Variants in SLC24A2 observed in about 807,000 individuals in gnomAD.
SLC24A2 encodes the protein sodium/potassium/calcium exchanger 2.
In SLC24A2, 36 loss-of-function variants were observed where a neutral mutation model predicts 62.0. The ratio of observed to expected loss-of-function variants is 0.58; its 90% confidence interval spans 0.44 to 0.77. The LOEUF (loss-of-function observed/expected upper bound fraction) is 0.77, where lower values mean the gene tolerates loss of function less well. SLC24A2 is among the 30% of genes least tolerant of loss of function. SLC24A2 has a pLI of 0.00. For missense variants in SLC24A2, 846 were observed against 817.9 expected (o/e 1.03, Z -0.42); for synonymous variants, 358 against 294.0 (o/e 1.22, Z -2.23).
Position 19,535,674 on chromosome 9 carries a change from G to A in SLC24A2, c.1480-7536C>T, listed in dbSNP as rs1046572998. On this transcript the variant is annotated intron_variant, in intron 8 of 10. Coordinates refer to ENST00000341998, the MANE Select transcript of SLC24A2 (RefSeq NM_020344.4). ...GATTAGATGATTGTAGATGTGTGGT[G>A]TTATTTCTGAGGCCTCTGTTCTGTT... Among the ~76,000 whole-genome samples, 7 of 152,260 alleles carry A rather than the reference G, an allele frequency of 4.6e-5. 1 individual carries two copies. Among genetic ancestry groups the A allele is most frequent in the Admixed American group, 4.6e-4 (7 of 15,300 alleles).
At chr9:19,968,174 T>C in the SLC24A2 span, among the ~76,000 whole-genome samples, 1 of 152,172 alleles carries the variant, frequency 6.6e-6, no homozygotes, top group Admixed American at 6.5e-5. Flanking sequence ...GTTTTCATCA[T>C]CATAATCTTC....
intron 2 of SLC24A2, among the ~76,000 whole-genome samples, chr9:19,639,051 T>A (rs1418035497): frequency 6.6e-6 from 1 of 152,204 alleles, no homozygotes; most frequent in Non-Finnish European, 1.5e-5. Context: ...GGGAACATAA[T>A]CTGCTTCAAT....
chr9:19,534,206 G>GA (rs1346940614), intron 8 of SLC24A2, among the ~76,000 whole-genome samples: 1 of 152,212 alleles, frequency 6.6e-6, no homozygotes, highest in Admixed American at 6.5e-5. Context: ...CAATGAAAAT[G>GA]ATCTGGAGTC....
chr9:20,279,777 G>C, the SLC24A2 span, among the ~76,000 whole-genome samples: 1 of 152,268 alleles, frequency 6.6e-6, no homozygotes. Flanking sequence ...TTACTGAACT[G>C]ATCATTTCAC....
chr9:19,749,580 C>T (rs890114656), intron 2 of SLC24A2, among the ~76,000 whole-genome samples: 2 of 152,052 alleles, frequency 1.3e-5, no homozygotes, highest in East Asian at 1.9e-4. Context: ...AAATGTTCAA[C>T]GTAGATTAAA....
the SLC24A2 span, among the ~76,000 whole-genome samples, chr9:20,253,824 C>G: frequency 6.6e-6 from 1 of 152,142 alleles, no homozygotes; most frequent in Non-Finnish European, 1.5e-5. Flanking sequence ...ATCCTTGGTT[C>G]TCTTTCTTGG....
the SLC24A2 span, among the ~76,000 whole-genome samples, chr9:19,807,906 A>G: frequency 6.6e-6 from 1 of 152,234 alleles, no homozygotes; most frequent in Admixed American, 6.5e-5. Flanking sequence ...AAAAAGCACA[A>G]TGATCCACCT....
At chr9:19,893,296 A>G in the SLC24A2 span, among the ~76,000 whole-genome samples, 73 of 152,284 alleles carry the variant, frequency 4.8e-4, no homozygotes, top group Non-Finnish European at 9.0e-4. Flanking sequence ...GAGCCTCTCC[A>G]TTCCCCATCA....
At chr9:20,142,495 G>A in the SLC24A2 span, among the ~76,000 whole-genome samples, 1 of 151,974 alleles carries the variant, frequency 6.6e-6, no homozygotes, top group Non-Finnish European at 1.5e-5. Context: ...TGTCTGAAAT[G>A]AACAGGAAAG....
chr9:19,987,393 G>C, the SLC24A2 span, among the ~76,000 whole-genome samples: 1 of 152,154 alleles, frequency 6.6e-6, no homozygotes, highest in East Asian at 1.9e-4. Flanking sequence ...CTATTACTGT[G>C]ACACAAGTCC....
At chr9:19,744,344 T>G (rs1821767022) in intron 2 of SLC24A2, among the ~76,000 whole-genome samples, 1 of 152,182 alleles carries the variant, frequency 6.6e-6, no homozygotes, top group African/African-American at 2.4e-5. Context: ...CCCATCTCCT[T>G]CTTCCTCTTT....
At chr9:20,121,378 A>T in the SLC24A2 span, among the ~76,000 whole-genome samples, 17 of 152,184 alleles carry the variant, frequency 1.1e-4, no homozygotes, top group African/African-American at 4.1e-4. Flanking sequence ...TGAAATTTTT[A>T]AAAATACCAC....
chr9:20,274,857 G>C, the SLC24A2 span, among the ~76,000 whole-genome samples: 1 of 152,066 alleles, frequency 6.6e-6, no homozygotes, highest in Non-Finnish European at 1.5e-5. Context: ...CCACGGTGCA[G>C]AAGCTTGGGT....
the SLC24A2 span, among the ~76,000 whole-genome samples, chr9:19,850,104 C>T: frequency 6.6e-6 from 1 of 150,762 alleles, no homozygotes; most frequent in African/African-American, 2.4e-5. Flanking sequence ...TATAAGAATG[C>T]TCTCCTGAAA....
the SLC24A2 span, among the ~76,000 whole-genome samples, chr9:20,052,155 T>A: frequency 6.6e-6 from 1 of 152,198 alleles, no homozygotes; most frequent in Admixed American, 6.5e-5. Flanking sequence ...ATTGCTTCAT[T>A]AACATTTCCA....
the SLC24A2 span, among the ~76,000 whole-genome samples, chr9:20,207,759 C>T: frequency 1.3e-5 from 2 of 152,218 alleles, no homozygotes; most frequent in African/African-American, 4.8e-5. Context: ...TGAACACTTA[C>T]ATGTGTTAGC....
the SLC24A2 span, among the ~76,000 whole-genome samples, chr9:20,063,870 A>G: frequency 6.6e-6 from 1 of 152,168 alleles, no homozygotes; most frequent in African/African-American, 2.4e-5. Context: ...ATCCTTATCA[A>G]TTACTTGTGG....
rs142267837 is a variant in SLC24A2 at position 19,722,726 on chromosome 9, C to G, written c.930+63211G>C. ...TAACTTTTAACTTGAAGAGCCTATG[C>G]AACGGAAATTCCAGTGTCAGCATCA... On this transcript the variant is annotated intron_variant, in intron 2 of 10. Coordinates refer to ENST00000341998, the MANE Select transcript of SLC24A2 (RefSeq NM_020344.4). Among the ~76,000 whole-genome samples, 166 of 151,598 alleles carry G rather than the reference C, an allele frequency of 1.1e-3. 1 individual carries two copies. The highest frequency in any genetic ancestry group is 3.8e-3 in the African/African-American group (156 of 41,380).
At chr9:20,251,990 C>T in the SLC24A2 span, among the ~76,000 whole-genome samples, 1 of 152,330 alleles carries the variant, frequency 6.6e-6, no homozygotes, top group South Asian at 2.1e-4. Flanking sequence ...ACATGCTTCA[C>T]TGGCCAGGAC....
Sources: allele counts gnomAD v4.1 joint callset (sites outside exome capture counted in the v4.1 genomes callset), GRCh38; gene constraint gnomAD v4.1.1; transcripts MANE v1.5; gene names NCBI Gene and HGNC (gene_info 2026-07-23, HGNC 2026-07-21).